Variants in CACNA1A observed in about 807,000 individuals in gnomAD.
The protein encoded by CACNA1A is calcium voltage-gated channel subunit alpha1 A.
A neutral mutation model predicts 262.4 loss-of-function variants in CACNA1A; 57 were observed. The observed-to-expected ratio is 0.22, with a 90% confidence interval of 0.18 to 0.27. The LOEUF is 0.27. Ranked by LOEUF, CACNA1A falls within the 10% of genes least tolerant of loss-of-function variation. CACNA1A has a pLI of 1.00. For missense variants in CACNA1A, 2,526 were observed against 3,562.8 expected (o/e 0.71, Z 7.41); for synonymous variants, 1,431 against 1,419.3 (o/e 1.01, Z -0.18).
chr19:13,318,538 G>T (rs945618540), intron 10 of CACNA1A, among the ~76,000 whole-genome samples: 1 of 152,170 alleles, frequency 6.6e-6, no homozygotes. Flanking sequence ...TGGCTGCCGA[G>T]TGGGAGAGTA....
chr19:13,326,357 G>T (rs190058100), intron 10 of CACNA1A, among the ~76,000 whole-genome samples: 9 of 152,026 alleles, frequency 5.9e-5, no homozygotes, highest in African/African-American at 2.2e-4. Flanking sequence ...TATCCTTTCA[G>T]CAACATGGCT....
chr19:13,351,972 A>G (rs1308850455), intron 6 of CACNA1A, among the ~76,000 whole-genome samples: 1 of 152,176 alleles, frequency 6.6e-6, no homozygotes, highest in Non-Finnish European at 1.5e-5. Flanking sequence ...CAATCAATCA[A>G]TCAATGATTT....
chr19:13,284,801 GTTTA>G (rs1196324134), intron 21 of CACNA1A, among the ~76,000 whole-genome samples: 2 of 151,494 alleles, frequency 1.3e-5, no homozygotes, highest in Admixed American at 6.6e-5. Context: ...AAATTTATTT[GTTTA>G]TTTATGACAA....
chr19:13,315,193 T>G (rs1247783091), intron 11 of CACNA1A: 1 of 138,924 alleles, frequency 7.2e-6, no homozygotes, highest in Non-Finnish European at 1.5e-5. Context: ...AATTAATGTG[T>G]ATCTTTTTTT....
chr19:13,218,297 G>A (rs1191536634), intron 38 of CACNA1A, among the ~76,000 whole-genome samples: 1 of 152,094 alleles, frequency 6.6e-6, no homozygotes, highest in Non-Finnish European at 1.5e-5. Context: ...ATTTATCGTT[G>A]GGGTCTTGGG....
At position 13,325,071 on chromosome 19, in the gene CACNA1A, C is replaced by T. The variant is rs577184011; in HGVS notation, c.1345+5173G>A. Among the ~76,000 whole-genome samples the T allele has an allele frequency of 5.8e-5, 8 of 138,490 alleles. No homozygotes were observed. In the South Asian group the frequency reaches 1.1e-3, roughly 19 times the overall value. 90.9% of individuals were successfully genotyped at this position (138,490 alleles called of 152,430 possible). On this transcript the variant is annotated intron_variant, in intron 10 of 46. Transcript: ENST00000360228. ...CCTCTTCCCCTTCCCCTTCCTCCTC[C>T]TCTTCTTCTTCCCCTTCCCCTTCCT...
Position 13,230,186 on chromosome 19 carries a change from G to A in CACNA1A, c.5424C>T (p.Val1808=). 1 of 1,613,920 alleles carries A rather than the reference G, an allele frequency of 6.2e-7. No homozygotes were observed. Among genetic ancestry groups the A allele is most frequent in the African/African-American group, 1.3e-5 (1 of 75,020 alleles). ...SFLMLNLFVA[V]IMDNFEYLTR... ...TGAGGTACTCAAAGTTGTCCATGAT[G>A]ACGGCGACAAAGAGATTCAGCATCT... The change falls in exon 36 of 47, where the codon GTC becomes GTT. Residue 1808 remains valine (V), a synonymous_variant. Transcript: ENST00000360228.
Position 13,293,439 on chromosome 19 carries a change from C to CTTTTTTTTT in CACNA1A, c.3089+5096_3089+5104dup, listed in dbSNP as rs974515720. Among the ~76,000 whole-genome samples, 38 of 80,896 alleles carry CTTTTTTTTT rather than the reference C, an allele frequency of 4.7e-4. 2 individuals are homozygous for CTTTTTTTTT. The highest frequency in any genetic ancestry group is 9.9e-4 in the East Asian group (2 of 2,024). 53.1% of individuals were successfully genotyped at this position (80,896 alleles called of 152,430 possible). ...TTTACACGTACTAACTCAGTTAAAT[C>CTTTTTTTTT]TTTTTTTTTTTTTTTTTTTTTTTTG... On this transcript the variant is annotated intron_variant, in intron 19 of 46. Coordinates refer to ENST00000360228, the MANE Select transcript of CACNA1A (RefSeq NM_001127222.2).
chr19:13,463,367 G>T (rs1319914102), intron 1 of CACNA1A, among the ~76,000 whole-genome samples: 3 of 152,088 alleles, frequency 2.0e-5, no homozygotes, highest in African/African-American at 7.2e-5. Flanking sequence ...CCAGACATGG[G>T]CTTTAAAATC....
At position 13,506,296 on chromosome 19, in the gene CACNA1A, G is replaced by GCCC; in HGVS notation, c.-73_-72insGGG. 1 of 1,318,242 alleles carries GCCC rather than the reference G, an allele frequency of 7.6e-7. No individual in the cohort carries two copies. Among genetic ancestry groups the GCCC allele is most frequent in the East Asian group, 2.9e-5 (1 of 34,132 alleles). 81.7% of individuals were successfully genotyped at this position (1,318,242 alleles called of 1,614,324 possible). A position where few individuals can be genotyped will look rare whatever the true frequency, so the allele number is the denominator to read the frequency against. The stretch of plus-strand genomic sequence containing the variant: ...GGAAGACGCCGCCGCCGCCGCCGCC[G>GCCC]CCGCTGATGCTGAGGCTGCCGGGGC... On this transcript the variant is annotated 5_prime_UTR_variant, in exon 1 of 47. Transcript: ENST00000360228.
intron 3 of CACNA1A, among the ~76,000 whole-genome samples, chr19:13,393,505 T>TTCC (rs71170505): frequency 7.9e-6 from 1 of 126,946 alleles, no homozygotes; most frequent in East Asian, 2.4e-4. Context: ...CCTTCCTTCC[T>TTCC]TTCCTTCCTT....
chr19:13,359,233 G>A (rs935794449), intron 6 of CACNA1A, among the ~76,000 whole-genome samples: 1 of 152,222 alleles, frequency 6.6e-6, no homozygotes, highest in African/African-American at 2.4e-5. Context: ...AGGACTGGGT[G>A]AGCCTCAGGG....
chr19:13,350,940 G>A (rs1479888400), intron 6 of CACNA1A, among the ~76,000 whole-genome samples: 2 of 151,868 alleles, frequency 1.3e-5, no homozygotes, highest in Non-Finnish European at 2.9e-5. Context: ...AGTTTGAGCT[G>A]CAGTGAGCTA....
chr19:13,339,217 C>A (rs1042264411), intron 6 of CACNA1A, among the ~76,000 whole-genome samples: 1 of 152,014 alleles, frequency 6.6e-6, no homozygotes, highest in Non-Finnish European at 1.5e-5. Context: ...AATGCTGATA[C>A]GTGCTGCAAC....
intron 15 of CACNA1A, 199 bp downstream of exon 15, chr19:13,307,583 C>A: frequency 1.8e-6 from 1 of 569,504 alleles, no homozygotes; most frequent in South Asian, 2.3e-5. Flanking sequence ...CACAAACTAT[C>A]TTTCCAATGA....
intron 31 of CACNA1A, among the ~76,000 whole-genome samples, chr19:13,243,120 G>A (rs369441115): frequency 5.0e-4 from 76 of 152,348 alleles, no homozygotes; most frequent in African/African-American, 1.7e-3. Context: ...GTATGTAGCC[G>A]GATGGCAAGA....
intron 3 of CACNA1A, among the ~76,000 whole-genome samples, chr19:13,441,102 C>G (rs8102490): frequency 0.076 from 11,517 of 152,208 alleles, 702 homozygotes; most frequent in East Asian, 0.22. Context: ...CATCAGCCAC[C>G]ATGCCCCACC....
At chr19:13,409,215 T>C (rs1307538940) in intron 3 of CACNA1A, among the ~76,000 whole-genome samples, 1 of 152,116 alleles carries the variant, frequency 6.6e-6, no homozygotes, top group Non-Finnish European at 1.5e-5. Flanking sequence ...CGGATGACAT[T>C]GTGATAGGGT....
chr19:13,208,917 G>A lies in CACNA1A; in HGVS notation c.6619C>T (p.His2207Tyr). ...TGGTGGTGGTGGTGGTGCTGTCGAT[G>A]CTTCCGATCCTTGGGCCGGCCCCGC... is the stretch of plus-strand genomic sequence containing the variant. ...QERGRPKDRK[H>Y]RQHHHHHHHH... Residue 2207 changes from histidine to tyrosine, a missense_variant, in exon 46 of 47, where the codon CAT becomes TAT. This residue lies in a region of CACNA1A where 929 missense variants were observed against 868.1 expected (regional missense o/e 1.07). Coordinates refer to ENST00000360228, the MANE Select transcript of CACNA1A (RefSeq NM_001127222.2). 2.6e-6 allele frequency: 4 copies of A among 1,537,178 alleles called. No individual in the cohort carries two copies. Among genetic ancestry groups the A allele is most frequent in the South Asian group, 1.2e-5 (1 of 84,054 alleles).
Sources: gnomAD v4.1 joint callset for allele counts (sites outside exome capture counted in the v4.1 genomes callset) on GRCh38, gnomAD v4.1.1 for gene constraint, gnomAD v4.1.1 regional missense constraint, MANE v1.5 for transcripts, NCBI Gene and HGNC (gene_info 2026-07-23, HGNC 2026-07-21) for gene names.